The following IFT172 variants were observed in gnomAD, a reference collection of about 807,000 sequenced individuals.
IFT172 encodes intraflagellar transport 172, also known as intraflagellar transport protein 172 homolog.
IFT172 carries 164 observed loss-of-function variants against 248.9 expected under a neutral mutation model. The ratio of observed to expected loss-of-function variants is 0.66; its 90% CI spans 0.58 to 0.75. The LOEUF (loss-of-function observed/expected upper bound fraction) is 0.75. IFT172 is among the 30% of genes least tolerant of loss of function. The pLI is 0.00. For missense variants in IFT172, 1,950 were observed against 2,192.4 expected (o/e 0.89, Z 2.21); for synonymous variants, 729 against 791.6 (o/e 0.92, Z 1.33).
chr2:27,474,196 G>A (rs766213755), intron 14 of IFT172, among the ~76,000 whole-genome samples: 1 of 152,262 alleles, frequency 6.6e-6, no homozygotes, highest in East Asian at 1.9e-4. Context: ...TTTGCTGCTC[G>A]AATCTTAGGC....
chr2:27,445,674 CAA>C lies in IFT172; in HGVS notation c.4914+69_4914+70del. 1 of 1,561,172 alleles carries C rather than the reference CAA, an allele frequency of 6.4e-7. No individual in the cohort carries two copies. The highest frequency in any genetic ancestry group is 1.1e-5 in the South Asian group (1 of 88,896). On this transcript the variant is annotated intron_variant, in intron 45 of 47. Transcript: ENST00000260570. The surrounding 1 kb of genome is among the most constrained non-coding windows in gnomAD (Gnocchi z 4.4). ...TGAGGTCCTTCCAAAGATGGCAGCA[CAA>C]AGATATTCTCCCTCCTCAAGGCACT...
Position 27,445,152 on chromosome 2 carries a change from G to T in IFT172, c.5069-47C>A. 1 of 1,609,592 alleles carries T rather than the reference G, an allele frequency of 6.2e-7. No homozygotes were observed. ...TGAACTGGGGTTTGAGAGAGATTGA[G>T]GAGGGAAAAATGAGGAGCAGCCTGG... On this transcript the variant is annotated intron_variant, in intron 46 of 47. Transcript: ENST00000260570. The surrounding 1 kb of genome is among the most constrained non-coding windows in gnomAD (Gnocchi z 4.4).
At chr2:27,446,454 T>C (rs1180766453) in intron 42 of IFT172, 99 bp from the exon 43 acceptor site, 1 of 1,030,652 alleles carries the variant, frequency 9.7e-7, no homozygotes, top group Non-Finnish European at 1.5e-6. Flanking sequence ...AAAACAACAA[T>C]TATTATTAAA....
chr2:27,484,392 C>A (rs890140309), intron 3 of IFT172, 126 bp from the exon 4 acceptor site: 9 of 898,836 alleles, frequency 1.0e-5, no homozygotes, highest in Non-Finnish European at 1.4e-5. Context: ...GAGATCGAGA[C>A]CATCCTGGCT....
At chr2:27,448,791 G>C (rs1665400706) in intron 40 of IFT172, 124 bp downstream of exon 40, 1 of 698,948 alleles carries the variant, frequency 1.4e-6, no homozygotes, top group African/African-American at 1.8e-5. Flanking sequence ...TGCGTGGGGG[G>C]CTCTGGGCAT....
intron 7 of IFT172, 21 bp from the exon 8 acceptor site, chr2:27,481,281 TTCAA>T (rs764465131): frequency 1.9e-6 from 3 of 1,592,684 alleles, no homozygotes; most frequent in African/African-American, 2.7e-5. Context: ...AGTAGAGGGT[TTCAA>T]TCACTCTTCG....
intron 36 of IFT172, 72 bp downstream of exon 36, chr2:27,449,926 C>A: frequency 1.1e-5 from 16 of 1,432,402 alleles, no homozygotes; most frequent in Non-Finnish European, 1.6e-5. Context: ...ACACACCTTC[C>A]TGGGTGTAGA....
At chr2:27,451,107 C>A (rs1393362542) in intron 35 of IFT172, among the ~76,000 whole-genome samples, 3 of 152,142 alleles carry the variant, frequency 2.0e-5, no homozygotes, top group Non-Finnish European at 4.4e-5. Flanking sequence ...AGAAATTCTA[C>A]AAACCCAAGT....
chr2:27,474,310 T>C (rs955423890), intron 14 of IFT172, among the ~76,000 whole-genome samples: 1 of 152,210 alleles, frequency 6.6e-6, no homozygotes, highest in African/African-American at 2.4e-5. Flanking sequence ...ATTTTAAGAA[T>C]GGACTCATGT....
At chr2:27,464,288 T>A (rs1034214956) in intron 18 of IFT172, among the ~76,000 whole-genome samples, 15 of 152,220 alleles carry the variant, frequency 9.9e-5, no homozygotes, top group African/African-American at 3.6e-4. Flanking sequence ...GATTCTCTCA[T>A]CACTCCTTCA....
intron 36 of IFT172, 26 bp downstream of exon 36, chr2:27,449,972 C>T (rs775972925): frequency 5.0e-6 from 8 of 1,584,880 alleles, no homozygotes; most frequent in Non-Finnish European, 5.2e-6. Context: ...AAATCTATTT[C>T]TGTTCCATCT....
Position 27,454,680 on chromosome 2 carries a change from T to C in IFT172, c.3372-20A>G. On this transcript the variant is annotated intron_variant, in intron 30 of 47. Coordinates refer to ENST00000260570, the MANE Select transcript of IFT172 (RefSeq NM_015662.3). This position sits in a 1 kb window ranked among gnomAD's most constrained non-coding sequence, Gnocchi z 4.2. The stretch of plus-strand genomic sequence containing the variant: ...AAGGAGCTGAAACAGAAAGTGCAGA[T>C]AAAGTTTTCTTGCTTCATGCTTCCC... 1 of 1,608,622 alleles carries C rather than the reference T, an allele frequency of 6.2e-7. No homozygotes were observed.
In IFT172 at chr2:27,478,140, A is replaced by G; in HGVS notation, c.1022T>C (p.Leu341Pro). 1 of 1,614,170 alleles carries G rather than the reference A, an allele frequency of 6.2e-7. No homozygotes were observed. The part of the protein sequence containing the change: ...VGPSQVIVKN[L>P]SSGTRVVLKS... Reference sequence around the variant, plus strand: ...GAGCACCACTCGGGTTCCTGATGACAGGTTCTTCACAATCACCTTGGTAAA... The same window carrying G: ...GAGCACCACTCGGGTTCCTGATGACGGGTTCTTCACAATCACCTTGGTAAA... Residue 341 changes from leucine (L) to proline (P), a missense_variant, in exon 11 of 48, where the codon CTG (leucine) becomes CCG (proline). Leu to Pro is a moderately conservative substitution (Grantham distance 98). Around this residue, in one of 3 missense-constraint regions of IFT172, gnomAD observed 1,166 missense variants for 1,254.1 expected, o/e 0.93. Coordinates refer to ENST00000260570, the MANE Select transcript of IFT172 (RefSeq NM_015662.3).
At chr2:27,475,568 A>G (rs1280480810) in intron 14 of IFT172, 1 of 152,180 alleles carries the variant, frequency 6.6e-6, no homozygotes, top group Admixed American at 6.5e-5. Context: ...TTATCATTCC[A>G]ATTTTAATAT....
intron 2 of IFT172, 41 bp from the exon 3 acceptor site, chr2:27,485,171 T>C (rs763314223): frequency 9.0e-6 from 13 of 1,443,400 alleles, no homozygotes; most frequent in Non-Finnish European, 1.1e-5. Flanking sequence ...AAAGAAGTAA[T>C]GAGTACACAT....
rs1473459802 is a variant in IFT172 at position 27,468,213 on chromosome 2, C to T, written c.1693-2331G>A. The stretch of plus-strand genomic sequence containing the variant: ...ACATTGTAGTGAAACTTCAAAACAC[C>T]TAAGAAAAAGAGAAGATTTTTTTGT... On this transcript the variant is annotated intron_variant, in intron 16 of 47. Transcript: ENST00000260570. 3.3e-5 allele frequency among the ~76,000 whole-genome samples: 5 copies of T among 151,138 alleles called. 1 individual carries two copies. The highest frequency in any genetic ancestry group is 7.4e-5 in the Non-Finnish European group (5 of 67,798).
At chr2:27,462,006 C>G (rs924021874) in intron 20 of IFT172, among the ~76,000 whole-genome samples, 170 bp from the exon 21 acceptor site, 1 of 152,148 alleles carries the variant, frequency 6.6e-6, no homozygotes, top group Non-Finnish European at 1.5e-5. Flanking sequence ...CTTCAGGGCT[C>G]CTTATTTGCA....
Position 27,476,692 on chromosome 2 carries a change from C to T in IFT172, c.1360G>A (p.Glu454Lys). 6.2e-7 allele frequency: 1 copy of T among 1,612,742 alleles called. No individual in the cohort carries two copies. The highest frequency in any genetic ancestry group is 8.5e-7 in the Non-Finnish European group (1 of 1,178,830). Reference sequence around the variant, plus strand: ...AGATAAGCCAATTTCTTATTATCTTCTGTTCCTCGCTGACACCTCTCATTA... The same window carrying T: ...AGATAAGCCAATTTCTTATTATCTTTTGTTCCTCGCTGACACCTCTCATTA... The part of the protein sequence containing the change: ...RINERCQRGT[E>K]DNKKLAYLID... The change falls in exon 14 of 48, where the codon GAA (glutamate) becomes AAA (lysine). Residue 454 changes from glutamate (E) to lysine (K), a missense_variant. By Grantham distance (56) the Glu-to-Lys change is moderately conservative. Around this residue, in one of 3 missense-constraint regions of IFT172, gnomAD observed 1,166 missense variants for 1,254.1 expected, o/e 0.93. Coordinates refer to ENST00000260570, the MANE Select transcript of IFT172 (RefSeq NM_015662.3).
At chr2:27,479,658 G>T in intron 9 of IFT172, 54 bp from the exon 10 acceptor site, 1 of 1,114,874 alleles carries the variant, frequency 9.0e-7, no homozygotes, top group Non-Finnish European at 1.4e-6. Context: ...ACTGGCATGG[G>T]GAGAGTATCT....
Sources: gnomAD v4.1 joint callset for allele counts (sites outside exome capture counted in the v4.1 genomes callset) on GRCh38, gnomAD v4.1.1 for gene constraint, gnomAD v4.1.1 regional missense constraint, Gnocchi (gnomAD v3.1) non-coding constraint, MANE v1.5 for transcripts, NCBI Gene and HGNC (gene_info 2026-07-23, HGNC 2026-07-21) for gene names.